Variants in ST6GALNAC5 observed in about 807,000 individuals in gnomAD.
ST6GALNAC5 encodes the protein ST6 N-acetylgalactosaminide alpha-2,6-sialyltransferase 5.
A neutral mutation model predicts 33.6 loss-of-function variants in ST6GALNAC5; 27 were observed. That is an observed-to-expected ratio of 0.80 (90% CI 0.59 to 1.11). The LOEUF (loss-of-function observed/expected upper bound fraction) is 1.11. ST6GALNAC5 is among the 50% of genes least tolerant of loss of function. The pLI is 0.00. For synonymous variants in ST6GALNAC5, 194 were observed against 171.2 expected (o/e 1.13, Z -1.04); for missense variants, 428 against 454.0 (o/e 0.94, Z 0.52).
intron 2 of ST6GALNAC5, among the ~76,000 whole-genome samples, chr1:77,020,503 C>A (rs901385438): frequency 6.6e-6 from 1 of 152,132 alleles, no homozygotes; most frequent in South Asian, 2.1e-4. Context: ...CAAGCTCAAG[C>A]GATCATCCCA....
At chr1:77,003,838 G>T (rs1650275154) in intron 2 of ST6GALNAC5, among the ~76,000 whole-genome samples, 1 of 148,854 alleles carries the variant, frequency 6.7e-6, no homozygotes, top group African/African-American at 2.5e-5. Flanking sequence ...CTTCTGGCTT[G>T]TAGGGTTTCT....
At chr1:77,055,137 C>T (rs957459491) in intron 4 of ST6GALNAC5, among the ~76,000 whole-genome samples, 1 of 152,022 alleles carries the variant, frequency 6.6e-6, no homozygotes, top group African/African-American at 2.4e-5. Flanking sequence ...TCCTCAGTGA[C>T]TTCCCAAAGC....
chr1:76,941,588 GTA>G (rs1647338071), intron 2 of ST6GALNAC5, among the ~76,000 whole-genome samples: 4 of 152,086 alleles, frequency 2.6e-5, no homozygotes, highest in African/African-American at 9.7e-5. Flanking sequence ...GATTACCCAA[GTA>G]GACCTGAAAT....
At chr1:76,943,157 T>C (rs1647395618) in intron 2 of ST6GALNAC5, among the ~76,000 whole-genome samples, 1 of 152,102 alleles carries the variant, frequency 6.6e-6, no homozygotes, top group South Asian at 2.1e-4. Context: ...ATTAGAGGTA[T>C]CAATTCATTT....
chr1:76,867,804 G>C, intron 1 of ST6GALNAC5, 114 bp downstream of exon 1: 2 of 1,467,040 alleles, frequency 1.4e-6, no homozygotes, highest in Non-Finnish European at 1.9e-6. Flanking sequence ...GAGGTCGCCT[G>C]TTACAAAGGG....
intron 2 of ST6GALNAC5, among the ~76,000 whole-genome samples, chr1:77,029,558 T>C (rs1318855868): frequency 6.6e-6 from 1 of 152,208 alleles, no homozygotes. Flanking sequence ...CACAGGGCTC[T>C]CCCTAGAGGC....
At chr1:76,871,208 T>C (rs1653495492) in intron 2 of ST6GALNAC5, 1 of 152,240 alleles carries the variant, frequency 6.6e-6, no homozygotes, top group Non-Finnish European at 1.5e-5. Flanking sequence ...AAAGCCTTTC[T>C]ATTCTTATTA....
At chr1:77,031,245 C>T (rs1651441389) in intron 2 of ST6GALNAC5, among the ~76,000 whole-genome samples, 1 of 152,180 alleles carries the variant, frequency 6.6e-6, no homozygotes, top group Non-Finnish European at 1.5e-5. Flanking sequence ...TAGCTAATGG[C>T]TGCCTAGCTG....
At chr1:76,976,226 G>A (rs1462909637) in intron 2 of ST6GALNAC5, among the ~76,000 whole-genome samples, 1 of 152,144 alleles carries the variant, frequency 6.6e-6, no homozygotes, top group Non-Finnish European at 1.5e-5. Flanking sequence ...ATTTGCAAAA[G>A]TATGTGCTTT....
intron 3 of ST6GALNAC5, among the ~76,000 whole-genome samples, chr1:77,045,193 A>G (rs1187995989): frequency 6.6e-6 from 1 of 152,248 alleles, no homozygotes; most frequent in Non-Finnish European, 1.5e-5. Context: ...TGTTAGCTAC[A>G]ACTCCATATT....
intron 2 of ST6GALNAC5, among the ~76,000 whole-genome samples, chr1:77,013,155 G>T (rs1650703207): frequency 6.6e-6 from 1 of 152,080 alleles, no homozygotes; most frequent in Admixed American, 6.5e-5. Context: ...TAGCCAGCTG[G>T]TCCCCCAACT....
rs114437905 is a variant in ST6GALNAC5, at chr1:76,945,937, C to T, written c.261+77195C>T. 4.8e-3 allele frequency among the ~76,000 whole-genome samples: 729 copies of T among 152,022 alleles called. 5 individuals carry two copies. Among genetic ancestry groups the T allele is most frequent in the African/African-American group, 0.017 (694 of 41,492 alleles). ...GTTGTTGTTGGGTTTTCTTTGATTC[C>T]GGGAATGAGGCTAAGAGAAACCTTG... On this transcript the variant is annotated intron_variant, in intron 2 of 4. Coordinates refer to ENST00000477717, the MANE Select transcript of ST6GALNAC5 (RefSeq NM_030965.3).
chr1:76,913,082 C>A (rs181554422), intron 2 of ST6GALNAC5, among the ~76,000 whole-genome samples: 5,368 of 151,888 alleles, frequency 0.035, 322 homozygotes, highest in African/African-American at 0.12. Context: ...ATGTTTAGTG[C>A]CTCCTTCAGG....
intron 2 of ST6GALNAC5, among the ~76,000 whole-genome samples, chr1:76,991,178 A>G (rs939155989): frequency 6.6e-6 from 1 of 152,046 alleles, no homozygotes; most frequent in African/African-American, 2.4e-5. Context: ...AAAATAAACA[A>G]CCCTACAGGG....
chr1:76,897,914 G>A (rs954999880), intron 2 of ST6GALNAC5, among the ~76,000 whole-genome samples: 1 of 152,216 alleles, frequency 6.6e-6, no homozygotes, highest in Non-Finnish European at 1.5e-5. Context: ...GTAATGTGGA[G>A]TGGGTAGCCT....
chr1:76,958,322 T>A (rs1170009764), intron 2 of ST6GALNAC5, among the ~76,000 whole-genome samples: 2 of 152,370 alleles, frequency 1.3e-5, no homozygotes, highest in East Asian at 3.9e-4. Flanking sequence ...AAGTGCTTTT[T>A]TGTACACATT....
At chr1:77,057,259 G>A (rs199716) in intron 4 of ST6GALNAC5, among the ~76,000 whole-genome samples, 41,711 of 152,014 alleles carry the variant, frequency 0.27, 6,747 homozygotes, top group African/African-American at 0.43. Flanking sequence ...CAGTGGGCAG[G>A]GTTAACCTAG....
chr1:77,048,146 C>T (rs776690721), intron 3 of ST6GALNAC5, among the ~76,000 whole-genome samples: 8 of 152,222 alleles, frequency 5.3e-5, no homozygotes, highest in Non-Finnish European at 1.0e-4. Flanking sequence ...AAAGCCTTTT[C>T]CTGTGCAGCC....
intron 2 of ST6GALNAC5, among the ~76,000 whole-genome samples, chr1:76,976,070 G>A (rs1486394109): frequency 1.3e-5 from 2 of 151,964 alleles, no homozygotes; most frequent in African/African-American, 4.8e-5. Flanking sequence ...ATTCCAGCCT[G>A]GGCGACAAAG....
Sources: gnomAD v4.1 joint callset for allele counts (sites outside exome capture counted in the v4.1 genomes callset) on GRCh38, gnomAD v4.1.1 for gene constraint, MANE v1.5 for transcripts, NCBI Gene and HGNC (gene_info 2026-07-23, HGNC 2026-07-21) for gene names.